ETNK1: variants seen among roughly 807,000 people sequenced by gnomAD.
ETNK1 encodes the protein putative protein product of Nbla10396.
Under a neutral mutation model 45.1 loss-of-function variants are expected in ETNK1, and 8 were observed. That is an observed-to-expected ratio of 0.18 (90% CI 0.10 to 0.32). The LOEUF (loss-of-function observed/expected upper bound fraction) is 0.32, where lower values mean the gene tolerates loss of function less well. ETNK1 is among the 10% of genes least tolerant of loss of function. The pLI, the probability that ETNK1 is intolerant of heterozygous loss-of-function variation, is 1.00. For missense variants in ETNK1, 302 were observed against 430.6 expected (o/e 0.70, Z 2.64); for synonymous variants, 152 against 151.9 (o/e 1.00, Z -0.01).
chr12:22,647,873 C>T (rs753463534), intron 2 of ETNK1, among the ~76,000 whole-genome samples: 23 of 151,860 alleles, frequency 1.5e-4, no homozygotes, highest in Non-Finnish European at 2.1e-4. Flanking sequence ...TTTAAAGCAG[C>T]GTTTGACTTG....
In ETNK1 at chr12:22,685,176, A is replaced by G. The variant is rs577431418; in HGVS notation, c.*222A>G. ...ATGTGGTGGATTAGAAATGTGTTAA[A>G]TCTGCAAAAGGTATAAAGATGTCAG... On this transcript the variant is annotated 3_prime_UTR_variant, in exon 8 of 8. Transcript: ENST00000266517. 2.2e-5 allele frequency: 9 copies of G among 405,702 alleles called. No individual in the cohort carries two copies. Among genetic ancestry groups the G allele is most frequent in the African/African-American group, 1.2e-4 (6 of 48,566 alleles). 25.1% of individuals were successfully genotyped at this position (405,702 alleles called of 1,614,324 possible). A position where few individuals can be genotyped will look rare whatever the true frequency, so the allele number is the denominator to read the frequency against.
Position 22,686,849 on chromosome 12 carries a change from T to TG in ETNK1, c.*1895_*1896insG, listed in dbSNP as rs1954263962. ...ACAGATAAAGAATGTGTAATACTCT[T>TG]AATTTTTTTTTTTTTTTTTTTTTTT... On this transcript the variant is annotated 3_prime_UTR_variant, in exon 8 of 8. Coordinates refer to ENST00000266517, the MANE Select transcript of ETNK1 (RefSeq NM_018638.5). 1 of 135,110 alleles carries TG rather than the reference T, an allele frequency of 7.4e-6. No individual in the cohort carries two copies. The highest frequency in any genetic ancestry group is 1.6e-5 in the Non-Finnish European group (1 of 62,210). 8.4% of individuals were successfully genotyped at this position (135,110 alleles called of 1,614,324 possible). A position where few individuals can be genotyped will look rare whatever the true frequency, so the allele number is the denominator to read the frequency against.
chr12:22,657,686 G>A (rs1249314182), intron 2 of ETNK1, among the ~76,000 whole-genome samples: 1 of 152,120 alleles, frequency 6.6e-6, no homozygotes. Flanking sequence ...GGTAATATGT[G>A]CTGAACCAGT....
rs1954080592 is a variant in ETNK1 at position 22,669,014 on chromosome 12, G to T, written c.701-2258G>T. Among the ~76,000 whole-genome samples, 3 of 152,156 alleles carry T rather than the reference G, an allele frequency of 2.0e-5. No individual in the cohort carries two copies. In the South Asian group the frequency reaches 6.2e-4, roughly 32 times the overall value. On this transcript the variant is annotated intron_variant, in intron 4 of 7. Transcript: ENST00000266517. ...GTTTATGTGGCAAAAGTAAGCTTCA[G>T]GACTGGGCTGTGTATTTTTATTGGC...
At chr12:22,660,034 TAAAAAAA>T (rs371874842) in intron 3 of ETNK1, among the ~76,000 whole-genome samples, 1 of 122,576 alleles carries the variant, frequency 8.2e-6, no homozygotes, top group Non-Finnish European at 1.8e-5. Flanking sequence ...ACACTACCTT[TAAAAAAA>T]AAAAAAAAAA....
rs991969079 is a variant in ETNK1 at position 22,671,198 on chromosome 12, A to C, written c.701-74A>C. On this transcript the variant is annotated intron_variant, in intron 4 of 7. Transcript: ENST00000266517. ...TGAGACAAAATATTGGAAGCTATTTAATTACAAATAGCATAGGGATTTTCT... is the reference window on the plus strand; with the variant it reads ...TGAGACAAAATATTGGAAGCTATTTCATTACAAATAGCATAGGGATTTTCT... The C allele has an allele frequency of 1.9e-5, 19 of 1,019,030 alleles. 1 individual carries two copies. The highest frequency in any genetic ancestry group is 2.8e-5 in the Non-Finnish European group (18 of 645,416). 63.1% of individuals were successfully genotyped at this position (1,019,030 alleles called of 1,614,324 possible).
intron 7 of ETNK1, 106 bp from the exon 8 acceptor site, chr12:22,684,776 A>T (rs1954245239): frequency 2.1e-6 from 2 of 938,110 alleles, no homozygotes; most frequent in Non-Finnish European, 3.2e-6. Flanking sequence ...GTCCTTTGAA[A>T]ATCTTAAACT....
chr12:22,665,287 C>A (rs1954043532), intron 4 of ETNK1, among the ~76,000 whole-genome samples: 1 of 152,040 alleles, frequency 6.6e-6, no homozygotes, highest in Non-Finnish European at 1.5e-5. Context: ...TTGGCCCCAC[C>A]CATGACCAAT....
intron 2 of ETNK1, among the ~76,000 whole-genome samples, chr12:22,657,287 CAT>C (rs1015639187): frequency 7.8e-4 from 118 of 152,216 alleles, no homozygotes; most frequent in African/African-American, 2.6e-3. Context: ...CCAAAGTACA[CAT>C]ATATAAAAAG....
At chr12:22,643,593 G>A (rs1477621602) in intron 1 of ETNK1, among the ~76,000 whole-genome samples, 170 bp from the exon 2 acceptor site, 1 of 152,074 alleles carries the variant, frequency 6.6e-6, no homozygotes, top group African/African-American at 2.4e-5. Flanking sequence ...TTTAAATATA[G>A]AATTAAAATT....
chr12:22,684,912 TA>T lies in ETNK1; in HGVS notation c.1054del (p.Met352Ter). On this transcript the variant is annotated frameshift_variant, in exon 8 of 8. Coordinates refer to ENST00000266517, the MANE Select transcript of ETNK1 (RefSeq NM_018638.5). LOFTEE classifies it high-confidence loss of function. ...CAATTGTTCGTTTTAACCAGTACTT[TA>T]AAATGAAGCCTGAGGTTACTGCATT... Reference protein sequence around the residue: ...YAIVRFNQYFKMKPEVTALKV... With the variant: ...YAIVRFNQYFXMKPEVTALKV... 6.2e-7 allele frequency: 1 copy of T among 1,608,150 alleles called. No individual in the cohort carries two copies. The highest frequency in any genetic ancestry group is 1.3e-5 in the African/African-American group (1 of 74,760).
chr12:22,679,616 G>T (rs138499349), intron 6 of ETNK1, among the ~76,000 whole-genome samples: 206 of 152,028 alleles, frequency 1.4e-3, no homozygotes, highest in African/African-American at 4.8e-3. Context: ...ATAAGACTTC[G>T]CATTCTCCTA....
intron 1 of ETNK1, among the ~76,000 whole-genome samples, chr12:22,639,434 T>C (rs112737363): frequency 1.3e-5 from 2 of 152,114 alleles, no homozygotes; most frequent in Admixed American, 6.5e-5. Flanking sequence ...CCTAGCACTT[T>C]GGGAGGCCGA....
chr12:22,651,824 T>C (rs2137545050), intron 2 of ETNK1, among the ~76,000 whole-genome samples: 1 of 151,952 alleles, frequency 6.6e-6, no homozygotes, highest in Non-Finnish European at 1.5e-5. Context: ...TAGCTGGGAC[T>C]ATAGGTGCCC....
chr12:22,634,714 G>GTATTTATT (rs766720329), intron 1 of ETNK1, among the ~76,000 whole-genome samples: 1 of 151,812 alleles, frequency 6.6e-6, no homozygotes, highest in Non-Finnish European at 1.5e-5. Flanking sequence ...GCTAATTTTT[G>GTATTTATT]TATTTATTTA....
chr12:22,643,374 C>T (rs1427328138), intron 1 of ETNK1, among the ~76,000 whole-genome samples: 1 of 151,958 alleles, frequency 6.6e-6, no homozygotes, highest in East Asian at 1.9e-4. Flanking sequence ...AGGAGAGATT[C>T]CCTGTATGTG....
chr12:22,673,082 C>T (rs940615650), intron 5 of ETNK1, among the ~76,000 whole-genome samples: 2 of 151,836 alleles, frequency 1.3e-5, no homozygotes, highest in East Asian at 1.9e-4. Flanking sequence ...GGTGACTGAA[C>T]GAGATTCCGT....
Position 22,658,685 on chromosome 12 carries a change from C to T in ETNK1, c.417-329C>T, listed in dbSNP as rs145667424. On this transcript the variant is annotated intron_variant, in intron 2 of 7. Transcript: ENST00000266517. ...ACCCAAGGAGCAGGGTCGGGGTTGG[C>T]GGATGGAAAATTAAGAGTAACATCA... is the stretch of plus-strand genomic sequence containing the variant. Among the ~76,000 whole-genome samples, 837 of 152,064 alleles carry T rather than the reference C, an allele frequency of 5.5e-3. 6 individuals are homozygous for T. Among genetic ancestry groups the T allele is most frequent in the African/African-American group, 0.019 (793 of 41,472 alleles).
intron 1 of ETNK1, among the ~76,000 whole-genome samples, chr12:22,631,218 A>G (rs2137515232): frequency 6.7e-6 from 1 of 149,816 alleles, no homozygotes; most frequent in South Asian, 2.1e-4. Flanking sequence ...CTTGTTGCCC[A>G]GGCTGGAGTG....
Sources: allele counts gnomAD v4.1 joint callset (sites outside exome capture counted in the v4.1 genomes callset), GRCh38; gene constraint gnomAD v4.1.1; transcripts MANE v1.5; gene names NCBI Gene and HGNC (gene_info 2026-07-23, HGNC 2026-07-21).